Variants in EML4 observed in about 807,000 individuals in gnomAD.
The protein encoded by EML4 is EMAP like 4.
In EML4, 72 loss-of-function variants were observed where a neutral mutation model predicts 129.0. The observed-to-expected ratio is 0.56, with a 90% confidence interval of 0.46 to 0.68. The LOEUF is 0.68. Ranked by LOEUF, EML4 falls within the 30% of genes least tolerant of loss-of-function variation. The probability of loss-of-function intolerance (pLI) is 0.00; values close to 1 mark genes in which losing one functional copy is unlikely to be tolerated. For missense variants in EML4, 1,363 were observed against 1,190.6 expected, an observed-to-expected ratio of 1.14 and a Z score of -2.13; for synonymous variants, 532 against 405.0, an observed-to-expected ratio of 1.31 and a Z score of -3.77.
chr2:42,264,129 T>G (rs953409991), intron 5 of EML4, among the ~76,000 whole-genome samples: 237 of 102,846 alleles, frequency 2.3e-3, no homozygotes, highest in African/African-American at 9.7e-3. Flanking sequence ...TTTTTTTTTT[T>G]GAGACAGTGT....
intron 22 of EML4, among the ~76,000 whole-genome samples, chr2:42,329,454 G>A (rs1013288113): frequency 6.6e-6 from 1 of 152,216 alleles, no homozygotes; most frequent in East Asian, 1.9e-4. Context: ...GCAAGTATAC[G>A]ACCAACATCT....
At chr2:42,192,759 A>G (rs1671675176) in intron 1 of EML4, among the ~76,000 whole-genome samples, 1 of 152,186 alleles carries the variant, frequency 6.6e-6, no homozygotes, top group South Asian at 2.1e-4. Flanking sequence ...ACCCAGAAAA[A>G]CAGTGATAAA....
intron 3 of EML4, among the ~76,000 whole-genome samples, chr2:42,260,037 T>G (rs1005636856): frequency 1.3e-5 from 2 of 151,364 alleles, no homozygotes; most frequent in African/African-American, 4.9e-5. Context: ...GCCAATTTTT[T>G]TTTTTTTTAA....
At chr2:42,170,565 C>G (rs1428888158) in intron 1 of EML4, among the ~76,000 whole-genome samples, 4 of 152,196 alleles carry the variant, frequency 2.6e-5, no homozygotes, top group South Asian at 2.1e-4. Context: ...AAAATCAAAA[C>G]TCCAGGCTAG....
At chr2:42,264,529 T>G (rs1572652969) in intron 5 of EML4, among the ~76,000 whole-genome samples, 177 bp from the exon 6 acceptor site, 3 of 152,220 alleles carry the variant, frequency 2.0e-5, no homozygotes, top group African/African-American at 7.2e-5. Context: ...TAAAATAGTG[T>G]ATATTAGTAG....
At position 42,234,919 on chromosome 2, in the gene EML4, G is replaced by T. The variant is rs371546609; in HGVS notation, c.26-10586G>T. On this transcript the variant is annotated intron_variant, in intron 1 of 22. Coordinates refer to ENST00000318522, the MANE Select transcript of EML4 (RefSeq NM_019063.5). ...GCCTTGTAATCCCAACACTTTGGGA[G>T]GCCAAGGCGGGTGGATCACTGGAGG... is the stretch of plus-strand genomic sequence containing the variant. Among the ~76,000 whole-genome samples, 28 of 152,286 alleles carry T rather than the reference G, an allele frequency of 1.8e-4. No individual in the cohort carries two copies. The East Asian group carries it at 3.1e-3, about 17-fold the overall frequency.
intron 1 of EML4, among the ~76,000 whole-genome samples, chr2:42,177,217 T>C (rs551155856): frequency 2.6e-5 from 4 of 151,426 alleles, no homozygotes; most frequent in African/African-American, 4.9e-5. Flanking sequence ...TAGGGACTAG[T>C]ATATAGTTGA....
At chr2:42,262,862 G>A (rs1242526659) in intron 4 of EML4, among the ~76,000 whole-genome samples, 2 of 151,930 alleles carry the variant, frequency 1.3e-5, no homozygotes, top group Non-Finnish European at 1.5e-5. Context: ...AGGTTTTTTT[G>A]TAACTACAAA....
chr2:42,216,856 G>C (rs1467589175), intron 1 of EML4, among the ~76,000 whole-genome samples: 1 of 152,108 alleles, frequency 6.6e-6, no homozygotes, highest in African/African-American at 2.4e-5. Context: ...TATATCCAAA[G>C]TTTATCCTAC....
At chr2:42,260,784 A>T (rs970171139) in intron 3 of EML4, among the ~76,000 whole-genome samples, 1 of 152,214 alleles carries the variant, frequency 6.6e-6, no homozygotes, top group Non-Finnish European at 1.5e-5. Flanking sequence ...CTTTACACAG[A>T]TAGTCCTCTG....
chr2:42,271,522 A>G (rs1449707830), intron 6 of EML4, among the ~76,000 whole-genome samples: 2 of 152,168 alleles, frequency 1.3e-5, no homozygotes, highest in African/African-American at 4.8e-5. Context: ...TAAAATAGAA[A>G]CTATCCCAAC....
intron 4 of EML4, 44 bp downstream of exon 4, chr2:42,261,338 G>A: frequency 2.7e-6 from 4 of 1,494,180 alleles, no homozygotes; most frequent in Non-Finnish European, 3.6e-6. Flanking sequence ...TGGTTGTAAT[G>A]ATACCTAAAT....
At chr2:42,268,135 G>A (rs1476759807) in intron 6 of EML4, among the ~76,000 whole-genome samples, 1 of 152,084 alleles carries the variant, frequency 6.6e-6, no homozygotes, top group African/African-American at 2.4e-5. Context: ...TTCCATATCT[G>A]CGGATTTCAC....
In EML4 at chr2:42,317,522, A is replaced by C. The variant is rs1341100348; in HGVS notation, c.2152A>C (p.Thr718Pro). 1.9e-6 allele frequency: 3 copies of C among 1,591,638 alleles called. No individual in the cohort carries two copies. The East Asian group carries it at 6.7e-5, about 36-fold the overall frequency. ...GRKYSRYGRC[T>P]GHSSYITHLD... ...AAAATATAGCAGATATGGAAGGTGC[A>C]CTGTAAGTAGTGAAGTAGAACAAGT... is the stretch of plus-strand genomic sequence containing the variant. Residue 718 changes from threonine to proline, a missense_variant and splice_region_variant, in exon 19 of 23, where the codon ACT (threonine) becomes CCT (proline). Physicochemically the swap from Thr to Pro is conservative, Grantham distance 38 (BLOSUM62 -1). Coordinates refer to ENST00000318522, the MANE Select transcript of EML4 (RefSeq NM_019063.5).
chr2:42,247,414 A>C (rs2104310882), intron 2 of EML4, among the ~76,000 whole-genome samples: 1 of 152,264 alleles, frequency 6.6e-6, no homozygotes, highest in East Asian at 1.9e-4. Flanking sequence ...CGGGATACTT[A>C]TTGTGGAGGA....
chr2:42,238,513 G>C (rs1234424127), intron 1 of EML4, among the ~76,000 whole-genome samples: 1 of 152,172 alleles, frequency 6.6e-6, no homozygotes, highest in Non-Finnish European at 1.5e-5. Context: ...GAGGCTGAGA[G>C]GGGAGGATTG....
At chr2:42,281,456 A>G (rs957924740) in intron 7 of EML4, among the ~76,000 whole-genome samples, 2 of 152,112 alleles carry the variant, frequency 1.3e-5, no homozygotes, top group Non-Finnish European at 2.9e-5. Flanking sequence ...ATTTAAAGCC[A>G]TCAAAGTTTA....
At chr2:42,210,382 T>G (rs1276635980) in intron 1 of EML4, among the ~76,000 whole-genome samples, 2 of 152,214 alleles carry the variant, frequency 1.3e-5, no homozygotes, top group Non-Finnish European at 2.9e-5. Flanking sequence ...GAAAGTGCCA[T>G]CCTCATCACA....
intron 1 of EML4, among the ~76,000 whole-genome samples, chr2:42,238,344 A>C (rs6544523): frequency 0.7 from 105,917 of 152,082 alleles, 37,750 homozygotes; most frequent in African/African-American, 0.84. Context: ...TATTCAATGT[A>C]CCATAATATA....
Sources: allele counts gnomAD v4.1 joint callset (sites outside exome capture counted in the v4.1 genomes callset), GRCh38; gene constraint gnomAD v4.1.1; transcripts MANE v1.5; gene names NCBI Gene and HGNC (gene_info 2026-07-23, HGNC 2026-07-21).